WFS1: variants seen among roughly 807,000 people sequenced by gnomAD.
WFS1 encodes the protein wolframin.
A neutral mutation model predicts 68.5 loss-of-function variants in WFS1; 90 were observed. The observed-to-expected ratio is 1.31, with a 90% CI of 1.11 to 1.56. The LOEUF (loss-of-function observed/expected upper bound fraction) is 1.56, where lower values mean the gene tolerates loss of function less well. Among genes scored for constraint, WFS1 ranks in the 40% most tolerant of loss-of-function variants. The pLI is 0.00. For missense variants in WFS1, 1,767 were observed against 1,232.6 expected (o/e 1.43, Z -6.49); for synonymous variants, 860 against 540.7 (o/e 1.59, Z -8.19).
At chr4:6,282,257 T>C (rs77135664) in intron 2 of WFS1, among the ~76,000 whole-genome samples, 2,053 of 152,374 alleles carry the variant, frequency 0.013, 46 homozygotes, top group African/African-American at 0.045. Context: ...GCTGATGGGA[T>C]GCCTGTGGTG....
chr4:6,300,652 C>T lies in WFS1; in HGVS notation c.862-5C>T, dbSNP rs778365065. ...CCTCGTTCCCACGTACCATCTTTCC[C>T]CCAGGTGGTCAAGTACCCCCTGCAC... On this transcript the variant is annotated splice_polypyrimidine_tract_variant and splice_region_variant and intron_variant, in intron 7 of 7. Transcript: ENST00000226760. 1 of 1,613,896 alleles carries T rather than the reference C, an allele frequency of 6.2e-7. No homozygotes were observed. Among genetic ancestry groups the T allele is most frequent in the Non-Finnish European group, 8.5e-7 (1 of 1,179,928 alleles).
At position 6,302,507 on chromosome 4, in the gene WFS1, A is replaced by G. The variant is rs1030346214; in HGVS notation, c.*39A>G. On this transcript the variant is annotated 3_prime_UTR_variant, in exon 8 of 8. Transcript: ENST00000226760. ...CGAGGAGCTTCCAGTGCATGTTGCC[A>G]TGAGGCCTTTCCCCAGTGTGGCCCC... 4 of 1,610,246 alleles carry G rather than the reference A, an allele frequency of 2.5e-6. No homozygotes were observed. The highest frequency in any genetic ancestry group is 1.7e-5 in the Admixed American group (1 of 60,004).
Position 6,300,968 on chromosome 4 carries a change from G to T in WFS1, c.1173G>T (p.Glu391Asp). The change falls in exon 8 of 8, where the codon GAG (glutamate) becomes GAT (aspartate). Residue 391 changes from glutamate to aspartate, a missense_variant. By Grantham distance (45) the Glu-to-Asp change is conservative. Transcript: ENST00000226760. Reference protein sequence around the residue: ...LLRFEPNLDVEQAEVNFGWNH... With the variant: ...LLRFEPNLDVDQAEVNFGWNH... ...GCTTCGAGCCCAACCTGGATGTGGA[G>T]CAGGCCGAGGTCAACTTCGGCTGGA... 1.2e-6 allele frequency: 2 copies of T among 1,614,004 alleles called. No individual in the cohort carries two copies. The highest frequency in any genetic ancestry group is 2.2e-5 in the East Asian group (1 of 44,866).
chr4:6,284,671 TC>T (rs1413738487), intron 2 of WFS1, among the ~76,000 whole-genome samples: 1 of 151,678 alleles, frequency 6.6e-6, no homozygotes, highest in Non-Finnish European at 1.5e-5. Context: ...AGAGAAAGCC[TC>T]CTCTTGTGAA....
intron 7 of WFS1, among the ~76,000 whole-genome samples, chr4:6,298,507 T>G (rs1021676576): frequency 1.3e-5 from 2 of 149,850 alleles, no homozygotes; most frequent in Admixed American, 6.6e-5. Flanking sequence ...AAACAGAGAT[T>G]AAGTGGACTG....
Position 6,291,181 on chromosome 4 carries a change from A to G in WFS1, c.461-16A>G. ...GGCAGGGCACACAAGGCCTTTGACC[A>G]CATCCTATCCCTCAGGCATCACGTC... On this transcript the variant is annotated splice_polypyrimidine_tract_variant and intron_variant, in intron 4 of 7. Coordinates refer to ENST00000226760, the MANE Select transcript of WFS1 (RefSeq NM_006005.3). 1 of 1,611,456 alleles carries G rather than the reference A, an allele frequency of 6.2e-7. No individual in the cohort carries two copies. Among genetic ancestry groups the G allele is most frequent in the East Asian group, 2.2e-5 (1 of 44,866 alleles).
At chr4:6,272,948 T>C (rs926770181) in intron 1 of WFS1, among the ~76,000 whole-genome samples, 1 of 152,216 alleles carries the variant, frequency 6.6e-6, no homozygotes, top group Admixed American at 6.5e-5. Context: ...AGCCAGCCCC[T>C]TTCTGGACAG....
At position 6,302,822 on chromosome 4, in the gene WFS1, CCTCTTTCT is replaced by C. The variant is rs1731010585; in HGVS notation, c.*355_*362del. 2.6e-6 allele frequency: 1 copy of C among 380,056 alleles called. No individual in the cohort carries two copies. Among genetic ancestry groups the C allele is most frequent in the Non-Finnish European group, 4.8e-6 (1 of 209,210 alleles). 23.5% of individuals were successfully genotyped at this position (380,056 alleles called of 1,614,324 possible). ...TCCCCCACCTTCAAGCACCCTGTTCCCTCTTTCTTTCTTTTGTGTTGGATTTGTTTAAA... is the reference window on the plus strand; with the variant it reads ...TCCCCCACCTTCAAGCACCCTGTTCCTTCTTTTGTGTTGGATTTGTTTAAA... On this transcript the variant is annotated 3_prime_UTR_variant, in exon 8 of 8. Transcript: ENST00000226760.
intron 4 of WFS1, among the ~76,000 whole-genome samples, chr4:6,289,708 G>A (rs984772889): frequency 1.3e-5 from 2 of 152,252 alleles, no homozygotes; most frequent in African/African-American, 4.8e-5. Context: ...GGAAGTGGCT[G>A]TCCCTGGTGC....
At chr4:6,293,799 T>G (rs1373151292) in intron 6 of WFS1, among the ~76,000 whole-genome samples, 4 of 152,144 alleles carry the variant, frequency 2.6e-5, no homozygotes, top group African/African-American at 9.7e-5. Context: ...TAGGGAGATG[T>G]GTGGGTGGCA....
chr4:6,294,106 C>T (rs1030461441), intron 6 of WFS1, among the ~76,000 whole-genome samples: 2 of 152,200 alleles, frequency 1.3e-5, no homozygotes, highest in African/African-American at 4.8e-5. Context: ...ATCACGGCTG[C>T]CATCTTGGAT....
intron 1 of WFS1, 90 bp from the exon 2 acceptor site, chr4:6,277,361 C>T: frequency 7.8e-7 from 1 of 1,284,556 alleles, no homozygotes; most frequent in Non-Finnish European, 1.1e-6. Context: ...TCCCACCTGC[C>T]TCCCTCTGCT....
intron 2 of WFS1, 144 bp downstream of exon 2, chr4:6,277,831 C>T (rs1292194390): frequency 4.0e-6 from 4 of 1,004,714 alleles, no homozygotes; most frequent in Non-Finnish European, 6.0e-6. Context: ...CACAGGCGTC[C>T]ATCCAGTGGG....
chr4:6,296,489 C>T (rs1199986060), intron 7 of WFS1, among the ~76,000 whole-genome samples: 1 of 152,206 alleles, frequency 6.6e-6, no homozygotes, highest in Non-Finnish European at 1.5e-5. Flanking sequence ...CAAGGGAGCA[C>T]ATGGTTTTTA....
Position 6,291,204 on chromosome 4 carries a change from G to T in WFS1, c.468G>T (p.Thr156=), listed in dbSNP as rs201145164. 25 of 1,612,378 alleles carry T rather than the reference G, an allele frequency of 1.6e-5. No homozygotes were observed. In the Admixed American group the frequency reaches 3.3e-4, roughly 21 times the overall value. Residue 156 remains threonine (T), a synonymous_variant, in exon 5 of 8, where the codon ACG becomes ACT. Transcript: ENST00000226760. ...RRCLADRRGI[T]SENEREVRQL... ...CCACATCCTATCCCTCAGGCATCACGTCCGAGAACGAACGGGAGGTGAGGC... is the reference window on the plus strand; with the variant it reads ...CCACATCCTATCCCTCAGGCATCACTTCCGAGAACGAACGGGAGGTGAGGC...
chr4:6,291,944 C>T lies in WFS1; in HGVS notation c.659C>T (p.Pro220Leu). Reference protein sequence around the residue: ...HDGGAQPGPVPKSLQKQRRML... With the variant: ...HDGGAQPGPVLKSLQKQRRML... ...GGAGGGGCGCAGCCAGGCCCCGTGC[C>T]CAAGTCCCTGCAGAAGCAGAGGCGC... Residue 220 changes from proline (P) to leucine (L), a missense_variant, in exon 6 of 8, where the codon CCC becomes CTC. Physicochemically the swap from Pro to Leu is moderately conservative, Grantham distance 98. Coordinates refer to ENST00000226760, the MANE Select transcript of WFS1 (RefSeq NM_006005.3). 1 of 1,611,418 alleles carries T rather than the reference C, an allele frequency of 6.2e-7. No homozygotes were observed. The highest frequency in any genetic ancestry group is 8.5e-7 in the Non-Finnish European group (1 of 1,179,442).
intron 7 of WFS1, among the ~76,000 whole-genome samples, chr4:6,298,846 G>A (rs1335679693): frequency 1.3e-5 from 2 of 152,206 alleles, no homozygotes; most frequent in Non-Finnish European, 2.9e-5. Context: ...TGGCCTTCTG[G>A]TGGGCCTGGT....
chr4:6,272,920 G>A (rs1332415854), intron 1 of WFS1, among the ~76,000 whole-genome samples: 1 of 152,202 alleles, frequency 6.6e-6, no homozygotes, highest in Non-Finnish European at 1.5e-5. Flanking sequence ...GCACCATATG[G>A]AGGGGTGTAG....
intron 2 of WFS1, among the ~76,000 whole-genome samples, chr4:6,278,225 G>C (rs1730056243): frequency 1.3e-5 from 2 of 152,160 alleles, no homozygotes; most frequent in Admixed American, 6.5e-5. Context: ...AGGCCGAGCT[G>C]ACTGAGGCCC....
Sources: allele counts gnomAD v4.1 joint callset (sites outside exome capture counted in the v4.1 genomes callset), GRCh38; gene constraint gnomAD v4.1.1; transcripts MANE v1.5; gene names NCBI Gene and HGNC (gene_info 2026-07-23, HGNC 2026-07-21).